Variants in ZCWPW2 observed in about 807,000 individuals in gnomAD.
ZCWPW2 encodes zinc finger CW-type PWWP domain protein 2.
Under a neutral mutation model 46.6 loss-of-function variants are expected in ZCWPW2, and 45 were observed. That is an observed-to-expected ratio of 0.96 (90% CI 0.76 to 1.24). The LOEUF (loss-of-function observed/expected upper bound fraction) is 1.24. Ranked by LOEUF, ZCWPW2 falls within the 50% of genes most tolerant of loss-of-function variation. The pLI is 0.00. For synonymous variants in ZCWPW2, 152 were observed against 137.1 expected (o/e 1.11, Z -0.76); for missense variants, 429 against 403.9 (o/e 1.06, Z -0.53).
chr3:28,416,523 A>T (rs765898333), intron 3 of ZCWPW2, among the ~76,000 whole-genome samples: 2 of 6 alleles, frequency 0.33, 1 homozygote. Context: ...CTCCTGCCTG[A>T]TTGCCCTGGC....
At chr3:28,411,802 T>C (rs140337356) in intron 2 of ZCWPW2, among the ~76,000 whole-genome samples, 9 of 152,248 alleles carry the variant, frequency 5.9e-5, no homozygotes, top group African/African-American at 2.2e-4. Context: ...ACAAATATCA[T>C]TAGTAAAAGT....
intron 6 of ZCWPW2, among the ~76,000 whole-genome samples, chr3:28,500,435 T>C (rs1054869816): frequency 7.2e-5 from 11 of 152,110 alleles, no homozygotes; most frequent in African/African-American, 2.7e-4. Flanking sequence ...TGGAAAAGGA[T>C]CTGTTTTTTA....
At chr3:28,450,209 G>A (rs1462706407) in intron 4 of ZCWPW2, among the ~76,000 whole-genome samples, 1 of 152,150 alleles carries the variant, frequency 6.6e-6, no homozygotes, top group Admixed American at 6.5e-5. Flanking sequence ...TAGTGTAGTA[G>A]TCTAACTTTG....
intron 3 of ZCWPW2, among the ~76,000 whole-genome samples, chr3:28,417,667 A>G (rs1696658297): frequency 7.7e-6 from 1 of 130,572 alleles, no homozygotes; most frequent in South Asian, 2.9e-4. Flanking sequence ...CTTATCCACC[A>G]TGATCAAGTG....
In ZCWPW2 at chr3:28,506,448, G is replaced by A. The variant is rs559778659; in HGVS notation, c.658-7616G>A. On this transcript the variant is annotated intron_variant, in intron 6 of 9. Transcript: ENST00000383768. ...AATAGTACTAGGCTAGACAACATAGGAGAATCAGCTATGCAACAGTAGTGA... is the reference window on the plus strand; with the variant it reads ...AATAGTACTAGGCTAGACAACATAGAAGAATCAGCTATGCAACAGTAGTGA... Among the ~76,000 whole-genome samples, 3 of 152,118 alleles carry A rather than the reference G, an allele frequency of 2.0e-5. No individual in the cohort carries two copies. The South Asian group carries it at 6.2e-4, about 32-fold the overall frequency.
chr3:28,372,948 A>G (rs1011751656), intron 1 of ZCWPW2, among the ~76,000 whole-genome samples: 1 of 152,262 alleles, frequency 6.6e-6, no homozygotes. Flanking sequence ...AAAAAACATG[A>G]TTGCATTCAT....
intron 1 of ZCWPW2, among the ~76,000 whole-genome samples, chr3:28,352,126 G>GCGCACA (rs369399294): frequency 3.9e-5 from 5 of 129,606 alleles, no homozygotes; most frequent in Admixed American, 8.1e-5. Flanking sequence ...TCAGATGTAT[G>GCGCACA]CACACACACA....
At chr3:28,394,791 G>A (rs1000730977) in intron 2 of ZCWPW2, among the ~76,000 whole-genome samples, 3 of 152,062 alleles carry the variant, frequency 2.0e-5, no homozygotes, top group African/African-American at 7.2e-5. Flanking sequence ...CATAAGACCT[G>A]AAACTATATA....
At chr3:28,395,830 G>A (rs1026625751) in intron 2 of ZCWPW2, among the ~76,000 whole-genome samples, 1 of 152,094 alleles carries the variant, frequency 6.6e-6, no homozygotes, top group Non-Finnish European at 1.5e-5. Flanking sequence ...CTAATGTACA[G>A]CATAGTGACT....
At chr3:28,476,269 TA>T (rs912602717) in intron 4 of ZCWPW2, among the ~76,000 whole-genome samples, 1 of 151,604 alleles carries the variant, frequency 6.6e-6, no homozygotes. Flanking sequence ...CTTCTTCAAT[TA>T]AAAAAAAGTA....
At position 28,413,336 on chromosome 3, in the gene ZCWPW2, A is replaced by G; in HGVS notation, c.268A>G (p.Lys90Glu). 6.2e-7 allele frequency: 1 copy of G among 1,613,168 alleles called. No homozygotes were observed. Among genetic ancestry groups the G allele is most frequent in the Non-Finnish European group, 8.5e-7 (1 of 1,179,394 alleles). ...EESQLHQCGF[K>E]IVYSQLPLGS... ...GTCTCAGCTTCATCAGTGTGGATTT[A>G]AGATTGTCTATTCACAGCTCCCTCT... The change falls in exon 3 of 10, where the codon AAG becomes GAG. Residue 90 changes from lysine (K) to glutamate (E), a missense_variant. Coordinates refer to ENST00000383768, the MANE Select transcript of ZCWPW2 (RefSeq NM_001040432.4).
chr3:28,428,006 G>A (rs1697087518), intron 3 of ZCWPW2: 1 of 152,028 alleles, frequency 6.6e-6, no homozygotes, highest in East Asian at 1.9e-4. Context: ...GTTAAGTTGG[G>A]GTCTCCATTG....
rs1224441568 is a variant in ZCWPW2, at chr3:28,525,846, A to C, written c.*1158A>C. 1.3e-5 allele frequency among the ~76,000 whole-genome samples: 2 copies of C among 152,116 alleles called. No individual in the cohort carries two copies. Among genetic ancestry groups the C allele is most frequent in the Admixed American group, 1.3e-4 (2 of 15,254 alleles). On this transcript the variant is annotated 3_prime_UTR_variant, in exon 10 of 10. Coordinates refer to ENST00000383768, the MANE Select transcript of ZCWPW2 (RefSeq NM_001040432.4). Reference sequence around the variant, plus strand: ...TATTTCTGTCTTCCTTGTTTTCCTCATGTATTCCTTAGCATTCTGATATTG... The same window carrying C: ...TATTTCTGTCTTCCTTGTTTTCCTCCTGTATTCCTTAGCATTCTGATATTG...
At chr3:28,355,983 G>C (rs1704715619) in intron 1 of ZCWPW2, among the ~76,000 whole-genome samples, 1 of 152,184 alleles carries the variant, frequency 6.6e-6, no homozygotes, top group Admixed American at 6.6e-5. Flanking sequence ...GGCAACAAAA[G>C]CCAGAATTGA....
At chr3:28,378,004 C>T (rs537283312) in intron 1 of ZCWPW2, among the ~76,000 whole-genome samples, 114 of 152,094 alleles carry the variant, frequency 7.5e-4, no homozygotes, top group Non-Finnish European at 1.4e-3. Flanking sequence ...TCATGTCTGA[C>T]TTTGGATGAA....
At position 28,412,076 on chromosome 3, in the gene ZCWPW2, A is replaced by T. The variant is rs1038081998; in HGVS notation, c.-13-980A>T. The stretch of plus-strand genomic sequence containing the variant: ...TGTAAGTAAGTGAGCTTCTAAATAT[A>T]TGATTAACTTATAAATTAAAGGATT... On this transcript the variant is annotated intron_variant, in intron 2 of 9. Transcript: ENST00000383768. 1.1e-4 allele frequency among the ~76,000 whole-genome samples: 16 copies of T among 152,164 alleles called. No individual in the cohort carries two copies. In the South Asian group the frequency reaches 2.3e-3, roughly 22 times the overall value.
Position 28,492,146 on chromosome 3 carries a change from C to T in ZCWPW2, c.630C>T (p.Asp210=). 1 of 1,609,494 alleles carries T rather than the reference C, an allele frequency of 6.2e-7. No individual in the cohort carries two copies. Among genetic ancestry groups the T allele is most frequent in the Non-Finnish European group, 8.5e-7 (1 of 1,178,082 alleles). Residue 210 remains aspartate (D), a synonymous_variant, in exon 6 of 10, where the codon GAC becomes GAT. Coordinates refer to ENST00000383768, the MANE Select transcript of ZCWPW2 (RefSeq NM_001040432.4). The part of the protein sequence containing the change: ...SKLQDKSETH[D]KVAALVKKRK... ...TTACAGATAAATCCGAAACACATGA[C>T]AAAGTTGCTGCACTGGTCAAGAAAA...
At chr3:28,357,421 A>C (rs1202965068) in intron 1 of ZCWPW2, among the ~76,000 whole-genome samples, 1 of 152,142 alleles carries the variant, frequency 6.6e-6, no homozygotes, top group African/African-American at 2.4e-5. Flanking sequence ...ATTTGGTTAA[A>C]CATTATTTTT....
chr3:28,392,029 A>G (rs999107654), intron 2 of ZCWPW2, among the ~76,000 whole-genome samples: 2 of 152,234 alleles, frequency 1.3e-5, no homozygotes, highest in Non-Finnish European at 2.9e-5. Context: ...ATTAAAAGAC[A>G]TAGAGTAGCT....
Sources: allele counts gnomAD v4.1 joint callset (sites outside exome capture counted in the v4.1 genomes callset), GRCh38; gene constraint gnomAD v4.1.1; transcripts MANE v1.5; gene names NCBI Gene and HGNC (gene_info 2026-07-23, HGNC 2026-07-21).